Variants in GALNT15 observed in about 807,000 individuals in gnomAD.
The protein encoded by GALNT15 is polypeptide N-acetylgalactosaminyltransferase 15, also known as UDP-GalNAc transferase T15.
GALNT15 carries 67 observed loss-of-function variants against 66.8 expected under a neutral mutation model. That is an observed-to-expected ratio of 1.00 (90% CI 0.82 to 1.23). GALNT15 has a LOEUF of 1.23. Ranked by LOEUF, GALNT15 falls within the 50% of genes most tolerant of loss-of-function variation. The pLI is 0.00. For synonymous variants in GALNT15, 313 were observed against 311.5 expected (o/e 1.00, Z -0.05); for missense variants, 827 against 804.3 (o/e 1.03, Z -0.34).
rs534273182 is a variant in GALNT15 at position 16,225,180 on chromosome 3, C to T, written c.1774-2174C>T. On this transcript the variant is annotated intron_variant, in intron 9 of 9. Coordinates refer to ENST00000339732, the MANE Select transcript of GALNT15 (RefSeq NM_054110.5). This position sits in a 1 kb window ranked among gnomAD's most constrained non-coding sequence, Gnocchi z 4.4. ...GGGGGTGCCACACACTCTTAAATGA[C>T]CAGATCCTCAAGAACTCGCTATCAA... is the stretch of plus-strand genomic sequence containing the variant. Among the ~76,000 whole-genome samples the T allele has an allele frequency of 4.6e-5, 7 of 152,068 alleles. No individual in the cohort carries two copies. In the South Asian group the frequency reaches 1.5e-3, roughly 32 times the overall value.
At chr3:16,239,109 C>T in the GALNT15 span, among the ~76,000 whole-genome samples, 71 of 152,254 alleles carry the variant, frequency 4.7e-4, no homozygotes, top group African/African-American at 1.6e-3. The surrounding 1 kb of genome is among the most constrained non-coding windows in gnomAD (Gnocchi z 5.2). Flanking sequence ...ATGGAGAGGG[C>T]GGCAGAAGCA....
intron 3 of GALNT15, 75 bp from the exon 4 acceptor site, chr3:16,208,428 C>A: frequency 6.6e-7 from 1 of 1,506,350 alleles, no homozygotes; most frequent in Non-Finnish European, 9.1e-7. Flanking sequence ...TACTGGGCAG[C>A]CCATGTACAG....
At chr3:16,201,245 G>A (rs951344618) in intron 3 of GALNT15, among the ~76,000 whole-genome samples, 7 of 151,930 alleles carry the variant, frequency 4.6e-5, no homozygotes, top group South Asian at 2.1e-4. Flanking sequence ...GCAGCGGGGC[G>A]ATCTCGGCTC....
chr3:16,209,637 G>A lies in GALNT15; in HGVS notation c.1079+967G>A, dbSNP rs2063791959. On this transcript the variant is annotated intron_variant, in intron 4 of 9. Coordinates refer to ENST00000339732, the MANE Select transcript of GALNT15 (RefSeq NM_054110.5). The surrounding 1 kb of genome is among the most constrained non-coding windows in gnomAD (Gnocchi z 4.1). ...GTTCGAGACCAACCTGGCCATCATG[G>A]CGAAACCCCATCTCTACTAAAATTA... Among the ~76,000 whole-genome samples the A allele has an allele frequency of 6.6e-6, 1 of 152,068 alleles. No homozygotes were observed. The highest frequency in any genetic ancestry group is 6.5e-5 in the Admixed American group (1 of 15,270).
chr3:16,242,290 A>G, the GALNT15 span, among the ~76,000 whole-genome samples: 1 of 152,242 alleles, frequency 6.6e-6, no homozygotes, highest in Admixed American at 6.5e-5. This position sits in a 1 kb window ranked among gnomAD's most constrained non-coding sequence, Gnocchi z 5.6. Context: ...CTGCAGGCCC[A>G]GTGGCTAAGA....
chr3:16,223,366 G>A (rs919813143), intron 9 of GALNT15, among the ~76,000 whole-genome samples: 3 of 152,104 alleles, frequency 2.0e-5, no homozygotes, highest in African/African-American at 7.2e-5. Flanking sequence ...AATCGGGATC[G>A]GAAGATGACA....
chr3:16,226,324 G>A (rs1253603705), intron 9 of GALNT15, among the ~76,000 whole-genome samples: 1 of 152,104 alleles, frequency 6.6e-6, no homozygotes, highest in Non-Finnish European at 1.5e-5. Flanking sequence ...GTACTTTAAA[G>A]GGGTAGTATT....
At chr3:16,236,964 A>C (rs952372489), downstream of GALNT15, among the ~76,000 whole-genome samples, 17 of 152,226 alleles carry the variant, frequency 1.1e-4, no homozygotes, top group African/African-American at 3.1e-4. Context: ...AAAGTGATTA[A>C]ACTGTGCCAA....
chr3:16,190,923 G>C (rs2063570278), intron 1 of GALNT15, among the ~76,000 whole-genome samples: 1 of 152,218 alleles, frequency 6.6e-6, no homozygotes, highest in African/African-American at 2.4e-5. Context: ...TTTACGTCTT[G>C]AAGGCTGCGT....
chr3:16,196,936 C>T (rs916815556), intron 2 of GALNT15, among the ~76,000 whole-genome samples: 8 of 152,304 alleles, frequency 5.3e-5, no homozygotes, highest in Non-Finnish European at 7.4e-5. Flanking sequence ...GTTCTTTCTA[C>T]GGTCCTCACT....
intron 1 of GALNT15, among the ~76,000 whole-genome samples, chr3:16,177,339 G>T (rs558373971): frequency 3.9e-5 from 6 of 152,326 alleles, no homozygotes; most frequent in African/African-American, 1.4e-4. Context: ...TACCAAAGTG[G>T]TCTGTGTGTG....
At position 16,219,927 on chromosome 3, in the gene GALNT15, T is replaced by C. The variant is rs1450442034; in HGVS notation, c.1542T>C (p.Leu514=). 6.2e-7 allele frequency: 1 copy of C among 1,614,184 alleles called. No homozygotes were observed. The highest frequency in any genetic ancestry group is 1.3e-5 in the African/African-American group (1 of 75,068). ...ACTTTCAGCTCCACAACACTGGACTTGGGCTCTGTGCAGACTGCCAGGCAG... is the reference window on the plus strand; with the variant it reads ...ACTTTCAGCTCCACAACACTGGACTCGGGCTCTGTGCAGACTGCCAGGCAG... ...SFSGKLHNTG[L]GLCADCQAEG... The change falls in exon 8 of 10, where the codon CTT becomes CTC. Residue 514 remains leucine (L), a synonymous_variant. Transcript: ENST00000339732. The surrounding 1 kb of genome is among the most constrained non-coding windows in gnomAD (Gnocchi z 4.3).
rs568257383 is a variant in GALNT15, at chr3:16,186,256, C to T, written c.540-9504C>T. Among the ~76,000 whole-genome samples, 2 of 152,274 alleles carry T rather than the reference C, an allele frequency of 1.3e-5. No individual in the cohort carries two copies. Among genetic ancestry groups the T allele is most frequent in the South Asian group, 2.1e-4 (1 of 4,824 alleles). The stretch of plus-strand genomic sequence containing the variant: ...AAAACCACAATGAGATGACATTTTA[C>T]CCCCACTAGGATGGCTGAAGTAAAA... On this transcript the variant is annotated intron_variant, in intron 1 of 9. Coordinates refer to ENST00000339732, the MANE Select transcript of GALNT15 (RefSeq NM_054110.5). The surrounding 1 kb of genome is among the most constrained non-coding windows in gnomAD (Gnocchi z 5.1).
At chr3:16,248,004 C>G in the GALNT15 span, among the ~76,000 whole-genome samples, 2 of 152,232 alleles carry the variant, frequency 1.3e-5, no homozygotes, top group Non-Finnish European at 2.9e-5. This position sits in a 1 kb window ranked among gnomAD's most constrained non-coding sequence, Gnocchi z 4.9. Flanking sequence ...GCCCACCTAC[C>G]AGCCTCCTAG....
In GALNT15 at chr3:16,229,169, A is replaced by G; in HGVS notation, c.*1669A>G. ...ATAAGAAAAACTGAGTGGGAAGTGC[A>G]GTGTTTCCAAACAATACCTATCATA... On this transcript the variant is annotated 3_prime_UTR_variant, in exon 10 of 10. Coordinates refer to ENST00000339732, the MANE Select transcript of GALNT15 (RefSeq NM_054110.5). 1 of 985,426 alleles carries G rather than the reference A, an allele frequency of 1.0e-6. No homozygotes were observed. Among genetic ancestry groups the G allele is most frequent in the Non-Finnish European group, 1.2e-6 (1 of 829,918 alleles). The allele number at this position is 985,426 out of a possible 1,614,324, so 61.0% of individuals were successfully genotyped here. A position where few individuals can be genotyped will look rare whatever the true frequency, so the allele number is the denominator to read the frequency against.
chr3:16,230,218 TC>T (rs1376077345), downstream of GALNT15, among the ~76,000 whole-genome samples: 1 of 152,142 alleles, frequency 6.6e-6, no homozygotes, highest in Non-Finnish European at 1.5e-5. This position sits in a 1 kb window ranked among gnomAD's most constrained non-coding sequence, Gnocchi z 4.5. Context: ...GAGAGAAGTG[TC>T]CGGCCAGCAG....
chr3:16,195,904 C>T lies in GALNT15; in HGVS notation c.684C>T (p.Leu228=), dbSNP rs776690161. The T allele has an allele frequency of 1.7e-5, 28 of 1,613,990 alleles. 1 individual carries two copies. The highest frequency in any genetic ancestry group is 1.2e-4 in the Admixed American group (7 of 60,002). The change falls in exon 2 of 10, where the codon CTC becomes CTT. Residue 228 remains leucine, a synonymous_variant. Coordinates refer to ENST00000339732, the MANE Select transcript of GALNT15 (RefSeq NM_054110.5). The surrounding 1 kb of genome is among the most constrained non-coding windows in gnomAD (Gnocchi z 4.6). ...GGGCCTTCCTGAAGGAGATCATCCT[C>T]GTGGACGACCTCAGCCAGCAAGGTA... ...VPRAFLKEII[L]VDDLSQQGQL...
chr3:16,194,751 G>A (rs2063615020), intron 1 of GALNT15, among the ~76,000 whole-genome samples: 2 of 152,178 alleles, frequency 1.3e-5, no homozygotes, highest in African/African-American at 4.8e-5. Flanking sequence ...AACACCGCAT[G>A]TTCTCACTTA....
chr3:16,206,789 A>G (rs1279323879), intron 3 of GALNT15, among the ~76,000 whole-genome samples: 1 of 152,140 alleles, frequency 6.6e-6, no homozygotes, highest in Admixed American at 6.5e-5. Flanking sequence ...ATGATTGCTG[A>G]AGGTGGCACA....
Sources: gnomAD v4.1 joint callset for allele counts (sites outside exome capture counted in the v4.1 genomes callset) on GRCh38, gnomAD v4.1.1 for gene constraint, Gnocchi (gnomAD v3.1) non-coding constraint, MANE v1.5 for transcripts, NCBI Gene and HGNC (gene_info 2026-07-23, HGNC 2026-07-21) for gene names.